EXOC2: variants seen among roughly 807,000 people sequenced by gnomAD.
The protein encoded by EXOC2 is exocyst complex component 2.
EXOC2 carries 70 observed loss-of-function variants against 131.8 expected under a neutral mutation model. The observed-to-expected ratio is 0.53, with a 90% confidence interval of 0.44 to 0.65. The LOEUF is 0.65. Among genes scored for constraint, EXOC2 ranks in the 30% least tolerant of loss-of-function variants. The probability of loss-of-function intolerance (pLI) is 0.00; values close to 1 mark genes in which losing one functional copy is unlikely to be tolerated. For synonymous variants in EXOC2, 411 were observed against 398.4 expected, an observed-to-expected ratio of 1.03 and a Z score of -0.38; for missense variants, 923 against 1,108.6, an observed-to-expected ratio of 0.83 and a Z score of 2.38.
At chr6:611,736 T>A (rs1760725193) in intron 6 of EXOC2, among the ~76,000 whole-genome samples, 1 of 152,236 alleles carries the variant, frequency 6.6e-6, no homozygotes, top group Non-Finnish European at 1.5e-5. Context: ...TTAAGTAGAA[T>A]AACTCAATAA....
At chr6:521,281 G>T (rs557288307) in intron 23 of EXOC2, among the ~76,000 whole-genome samples, 2 of 151,568 alleles carry the variant, frequency 1.3e-5, no homozygotes, top group Non-Finnish European at 2.9e-5. Context: ...ACCACCCACC[G>T]AGCGCCGACA....
At chr6:581,976 T>C (rs1472687432) in intron 11 of EXOC2, among the ~76,000 whole-genome samples, 2 of 152,216 alleles carry the variant, frequency 1.3e-5, no homozygotes, top group Non-Finnish European at 2.9e-5. Context: ...GAAAAACAGT[T>C]GGAAAATTTG....
rs764497921 is a variant in EXOC2 at position 598,125 on chromosome 6, T to C, written c.971-2A>G. 6.3e-7 allele frequency: 1 copy of C among 1,594,362 alleles called. No individual in the cohort carries two copies. The highest frequency in any genetic ancestry group is 2.2e-5 in the East Asian group (1 of 44,756). ...TCCTTGTTTCTACTTCAGCATAATCTATTTAAAAAGAAAAGAATACACAAG... is the reference window on the plus strand; with the variant it reads ...TCCTTGTTTCTACTTCAGCATAATCCATTTAAAAAGAAAAGAATACACAAG... On this transcript the variant is annotated splice_acceptor_variant, in intron 9 of 27. Coordinates refer to ENST00000230449, the MANE Select transcript of EXOC2 (RefSeq NM_018303.6). LOFTEE classifies it high-confidence loss of function.
chr6:597,971 A>G lies in EXOC2; in HGVS notation c.1073+50T>C, dbSNP rs188381206. On this transcript the variant is annotated intron_variant, in intron 10 of 27. Transcript: ENST00000230449. ...GCCTTAAGGGTTACAAGATGCATAC[A>G]GTACCAAACAGATACATGTGATTCA... 229 of 1,360,496 alleles carry G rather than the reference A, an allele frequency of 1.7e-4. 1 individual carries two copies. In the East Asian group the frequency reaches 4.1e-3, roughly 25 times the overall value. The allele number at this position is 1,360,496 out of a possible 1,614,324, so 84.3% of individuals were successfully genotyped here. A position where few individuals can be genotyped will look rare whatever the true frequency, so the allele number is the denominator to read the frequency against.
intron 11 of EXOC2, among the ~76,000 whole-genome samples, chr6:577,819 C>T (rs1410228599): frequency 6.6e-6 from 1 of 152,200 alleles, no homozygotes; most frequent in Non-Finnish European, 1.5e-5. Context: ...AGGCCTCACT[C>T]AGTTTTTCTT....
At position 576,785 on chromosome 6, in the gene EXOC2, G is replaced by A. The variant is rs368220232; in HGVS notation, c.1290C>T (p.Gly430=). 1.9e-6 allele frequency: 3 copies of A among 1,614,012 alleles called. No homozygotes were observed. The Admixed American group carries it at 5.0e-5, about 27-fold the overall frequency. The change falls in exon 12 of 28, where the codon GGC becomes GGT. Residue 430 remains glycine (G), a synonymous_variant. Coordinates refer to ENST00000230449, the MANE Select transcript of EXOC2 (RefSeq NM_018303.6). ...HLSQTASLKR[G]SSFQSGRDDT... ...CGTCTCGACCAGACTGAAAGCTGCT[G>A]CCCCTCTTCAGGGACGCTGTCTGAC...
At chr6:641,918 C>T (rs1413795907) in intron 1 of EXOC2, among the ~76,000 whole-genome samples, 1 of 152,014 alleles carries the variant, frequency 6.6e-6, no homozygotes, top group African/African-American at 2.4e-5. Flanking sequence ...CAATATTATC[C>T]CTACCTTTAA....
At chr6:523,194 G>C (rs910829832) in intron 23 of EXOC2, among the ~76,000 whole-genome samples, 4 of 152,228 alleles carry the variant, frequency 2.6e-5, no homozygotes, top group Admixed American at 2.6e-4. Flanking sequence ...TGCTGGCCAA[G>C]GGGGTGTGTC....
In EXOC2 at chr6:628,547, G is replaced by A. The variant is rs567102793; in HGVS notation, c.422+1288C>T. ...AGAAATCACGTTTATGATAGTAAAC[G>A]TCTGAATGAACCCTAACTGATAATT... On this transcript the variant is annotated intron_variant, in intron 4 of 27. Transcript: ENST00000230449. Among the ~76,000 whole-genome samples, 11 of 152,296 alleles carry A rather than the reference G, an allele frequency of 7.2e-5. No individual in the cohort carries two copies. The South Asian group carries it at 2.1e-3, about 29-fold the overall frequency.
intron 1 of EXOC2, among the ~76,000 whole-genome samples, chr6:647,610 C>T (rs951557606): frequency 8.2e-6 from 1 of 121,898 alleles, no homozygotes; most frequent in Non-Finnish European, 1.7e-5. Context: ...GTGAATGTGA[C>T]CGCTCACATT....
intron 23 of EXOC2, among the ~76,000 whole-genome samples, chr6:521,694 T>G (rs9378897): frequency 0.039 from 5,950 of 151,968 alleles, 412 homozygotes; most frequent in East Asian, 0.32. Flanking sequence ...GCCCAGCTAA[T>G]TTTTGTGTTT....
At chr6:652,612 C>T (rs975145391) in intron 1 of EXOC2, among the ~76,000 whole-genome samples, 2 of 152,104 alleles carry the variant, frequency 1.3e-5, no homozygotes, top group East Asian at 3.8e-4. Context: ...CATCACTATA[C>T]CATCCTTTTA....
intron 23 of EXOC2, among the ~76,000 whole-genome samples, chr6:529,876 C>T (rs1561820507): frequency 6.6e-6 from 1 of 152,100 alleles, no homozygotes; most frequent in Non-Finnish European, 1.5e-5. Context: ...GGGGAAGATA[C>T]GAACTTTAAC....
chr6:687,686 T>TG (rs1764726375), intron 1 of EXOC2, among the ~76,000 whole-genome samples: 1 of 152,158 alleles, frequency 6.6e-6, no homozygotes, highest in Non-Finnish European at 1.5e-5. Flanking sequence ...GTCCCAGGCA[T>TG]TACCCTGAAG....
rs151000615 is a variant in EXOC2, at chr6:592,545, T to C, written c.1116A>G (p.Gln372=). 8.2e-5 allele frequency: 132 copies of C among 1,614,054 alleles called. No homozygotes were observed. In the African/African-American group the frequency reaches 1.4e-3, roughly 17 times the overall value. ...TCCACTTGTGTTGGGCTCCAATGCATTGCCAAGCAGGGTCACCAGACGCAT... is the reference window on the plus strand; with the variant it reads ...TCCACTTGTGTTGGGCTCCAATGCACTGCCAAGCAGGGTCACCAGACGCAT... ...DLHASGDPAW[Q]CIGAQHKWIL... is the part of the protein sequence containing the mutation. Residue 372 remains glutamine (Q), a synonymous_variant, in exon 11 of 28, where the codon CAA becomes CAG. Coordinates refer to ENST00000230449, the MANE Select transcript of EXOC2 (RefSeq NM_018303.6).
chr6:512,252 G>A lies in EXOC2; in HGVS notation c.2381-12552C>T, dbSNP rs373562303. Among the ~76,000 whole-genome samples, 58 of 152,282 alleles carry A rather than the reference G, an allele frequency of 3.8e-4. No homozygotes were observed. The South Asian group carries it at 0.011, about 30-fold the overall frequency. On this transcript the variant is annotated intron_variant, in intron 23 of 27. Transcript: ENST00000230449. ...TCCACGAACAATACAGGTTTGAACC[G>A]CGTGGGTCCACCCATAGGTGGGTTT...
chr6:640,833 C>T (rs559011261), intron 1 of EXOC2, among the ~76,000 whole-genome samples: 120 of 152,068 alleles, frequency 7.9e-4, no homozygotes, highest in African/African-American at 2.7e-3. Flanking sequence ...TTAAGCCACT[C>T]GGTCTAGTAT....
intron 23 of EXOC2, 117 bp downstream of exon 23, chr6:532,347 CAAATT>C (rs1766140022): frequency 9.0e-7 from 1 of 1,106,648 alleles, no homozygotes; most frequent in East Asian, 2.9e-5. Flanking sequence ...AAGTTAAAAT[CAAATT>C]AATCTCTCAC....
intron 1 of EXOC2, among the ~76,000 whole-genome samples, chr6:681,087 T>C (rs1166559606): frequency 2.6e-5 from 4 of 152,226 alleles, no homozygotes; most frequent in South Asian, 2.1e-4. Flanking sequence ...GATTCTGTAC[T>C]GTGTGCCATG....
Sources: allele counts gnomAD v4.1 joint callset (sites outside exome capture counted in the v4.1 genomes callset), GRCh38; gene constraint gnomAD v4.1.1; transcripts MANE v1.5; gene names NCBI Gene and HGNC (gene_info 2026-07-23, HGNC 2026-07-21).